Variants in FUT9 observed in about 807,000 individuals in gnomAD.
FUT9 encodes 4-galactosyl-N-acetylglucosaminide 3-alpha-L-fucosyltransferase 9.
FUT9 carries 15 observed loss-of-function variants against 29.7 expected under a neutral mutation model. The ratio of observed to expected loss-of-function variants is 0.51; its 90% confidence interval spans 0.34 to 0.78. The LOEUF (loss-of-function observed/expected upper bound fraction) is 0.78. Ranked by LOEUF, FUT9 falls within the 30% of genes least tolerant of loss-of-function variation. The pLI is 0.01. For missense variants in FUT9, 319 were observed against 425.4 expected, an observed-to-expected ratio of 0.75 and a Z score of 2.20; for synonymous variants, 169 against 153.7, an observed-to-expected ratio of 1.10 and a Z score of -0.74.
chr6:96,204,227 T>G lies in FUT9; in HGVS notation c.1072T>G (p.Trp358Gly), dbSNP rs9986564. ...KSVGNLEKWF[W>G]N is the part of the protein sequence containing the mutation. ...TGTTGGTAATTTAGAGAAATGGTTT[T>G]GGAATTAAAATTTTTCATCACTTGC... Residue 358 changes from tryptophan to glycine, a missense_variant, in exon 3 of 3, where the codon TGG (tryptophan) becomes GGG (glycine). Trp to Gly is a radical substitution (Grantham distance 184, BLOSUM62 -2). Coordinates refer to ENST00000302103, the MANE Select transcript of FUT9 (RefSeq NM_006581.4). 1 of 1,443,742 alleles carries G rather than the reference T, an allele frequency of 6.9e-7. No individual in the cohort carries two copies. Among genetic ancestry groups the G allele is most frequent in the Admixed American group, 2.6e-5 (1 of 39,010 alleles). 89.4% of individuals were successfully genotyped at this position (1,443,742 alleles called of 1,614,324 possible). A position where few individuals can be genotyped will look rare whatever the true frequency, so the allele number is the denominator to read the frequency against.
intron 2 of FUT9, among the ~76,000 whole-genome samples, chr6:96,183,809 G>T (rs1345871816): frequency 6.6e-6 from 1 of 152,014 alleles, no homozygotes; most frequent in African/African-American, 2.4e-5. Flanking sequence ...GATTATGGTG[G>T]ATTATCTTTT....
chr6:96,190,337 A>G (rs926503674), intron 2 of FUT9, among the ~76,000 whole-genome samples: 1 of 152,064 alleles, frequency 6.6e-6, no homozygotes, highest in African/African-American at 2.4e-5. Flanking sequence ...GCTGCCCTTA[A>G]CATTTTTTCC....
chr6:96,147,828 G>A (rs939416216), intron 2 of FUT9, among the ~76,000 whole-genome samples: 7 of 150,368 alleles, frequency 4.7e-5, no homozygotes, highest in African/African-American at 1.7e-4. Flanking sequence ...ATCTGCAGGA[G>A]TTCTTTGAAT....
chr6:96,035,510 TTTC>T (rs1290470272), intron 1 of FUT9, among the ~76,000 whole-genome samples: 1 of 150,328 alleles, frequency 6.7e-6, no homozygotes, highest in Non-Finnish European at 1.5e-5. Context: ...ACACATTTAA[TTTC>T]TTCCATTTTT....
At chr6:96,153,652 C>A (rs568520414) in intron 2 of FUT9, among the ~76,000 whole-genome samples, 1 of 151,994 alleles carries the variant, frequency 6.6e-6, no homozygotes, top group East Asian at 1.9e-4. Context: ...TTCAGTCAGG[C>A]GAGACAAAAA....
At chr6:96,133,257 G>GA (rs982658894) in intron 2 of FUT9, among the ~76,000 whole-genome samples, 15 of 151,884 alleles carry the variant, frequency 9.9e-5, no homozygotes, top group East Asian at 9.7e-4. Flanking sequence ...GCCAAAAAAG[G>GA]AAAAAAATAG....
chr6:96,058,283 G>A (rs1338718803), intron 1 of FUT9, among the ~76,000 whole-genome samples: 4 of 151,934 alleles, frequency 2.6e-5, no homozygotes, highest in Non-Finnish European at 5.9e-5. Context: ...ATTCCTCACT[G>A]AGCAAAAGCT....
intron 1 of FUT9, among the ~76,000 whole-genome samples, chr6:96,071,678 G>A (rs948041571): frequency 6.6e-6 from 1 of 152,124 alleles, no homozygotes; most frequent in African/African-American, 2.4e-5. Flanking sequence ...CAAGACTCAC[G>A]GCATTTTTAA....
At position 96,035,685 on chromosome 6, in the gene FUT9, T is replaced by TATTTATTATACTAATAAATATA. The variant is rs1232079198; in HGVS notation, c.-98+19497_-98+19518dup. Among the ~76,000 whole-genome samples, 243 of 139,248 alleles carry TATTTATTATACTAATAAATATA rather than the reference T, an allele frequency of 1.7e-3. 1 individual carries two copies. The highest frequency in any genetic ancestry group is 6.0e-3 in the African/African-American group (230 of 38,128). 91.4% of individuals were successfully genotyped at this position (139,248 alleles called of 152,430 possible). On this transcript the variant is annotated intron_variant, in intron 1 of 2. Coordinates refer to ENST00000302103, the MANE Select transcript of FUT9 (RefSeq NM_006581.4). ...AATATTATATTAAAATATAATATTA[T>TATTTATTATACTAATAAATATA]ATTTATTATACTAATAAATATAATT...
chr6:96,151,955 G>A (rs1211471564), intron 2 of FUT9, among the ~76,000 whole-genome samples: 2 of 151,888 alleles, frequency 1.3e-5, no homozygotes, highest in African/African-American at 2.4e-5. Flanking sequence ...TTAGAGAGAT[G>A]AAGTAGAGAA....
chr6:96,065,154 G>A (rs920753012), intron 1 of FUT9, among the ~76,000 whole-genome samples: 1 of 152,092 alleles, frequency 6.6e-6, no homozygotes, highest in Non-Finnish European at 1.5e-5. Flanking sequence ...TCTTCTTCCT[G>A]TCTAGGTAGA....
At chr6:96,093,698 C>T (rs1771450780) in intron 1 of FUT9, among the ~76,000 whole-genome samples, 1 of 152,024 alleles carries the variant, frequency 6.6e-6, no homozygotes, top group African/African-American at 2.4e-5. Flanking sequence ...ATAAAAATGG[C>T]CTCAAAGTTA....
intron 1 of FUT9, among the ~76,000 whole-genome samples, chr6:96,034,733 C>G (rs1473346546): frequency 6.6e-6 from 1 of 151,664 alleles, no homozygotes; most frequent in Non-Finnish European, 1.5e-5. Context: ...TTATGCCTCT[C>G]CAGACCCCAA....
At position 96,208,845 on chromosome 6, in the gene FUT9, T is replaced by C. The variant is rs955652643; in HGVS notation, c.*4610T>C. 4 of 166,266 alleles carry C rather than the reference T, an allele frequency of 2.4e-5. No individual in the cohort carries two copies. In the Admixed American group the frequency reaches 2.6e-4, roughly 11 times the overall value. The allele number at this position is 166,266 out of a possible 1,614,324, so 10.3% of individuals were successfully genotyped here. A position where few individuals can be genotyped will look rare whatever the true frequency, so the allele number is the denominator to read the frequency against. ...TATTACCAAACCACATGGAGAGAAA[T>C]ATAGTCTCTCTCCTAACTTCATTCC... On this transcript the variant is annotated 3_prime_UTR_variant, in exon 3 of 3. Coordinates refer to ENST00000302103, the MANE Select transcript of FUT9 (RefSeq NM_006581.4).
At chr6:96,144,140 G>C (rs1772520476) in intron 2 of FUT9, among the ~76,000 whole-genome samples, 1 of 152,192 alleles carries the variant, frequency 6.6e-6, no homozygotes, top group South Asian at 2.1e-4. Context: ...CATATACGTA[G>C]AGTAATGCAA....
chr6:96,053,208 T>C (rs1327236197), intron 1 of FUT9, among the ~76,000 whole-genome samples: 1 of 152,236 alleles, frequency 6.6e-6, no homozygotes, highest in East Asian at 1.9e-4. Flanking sequence ...TTTAGGATTT[T>C]ACATGTCTAA....
intron 1 of FUT9, among the ~76,000 whole-genome samples, chr6:96,095,197 G>A (rs1375699566): frequency 6.6e-6 from 1 of 152,088 alleles, no homozygotes; most frequent in South Asian, 2.1e-4. Context: ...ATAAAATAAT[G>A]TGAATGATCC....
chr6:96,145,919 G>C (rs1411931063), intron 2 of FUT9, among the ~76,000 whole-genome samples: 2 of 144,290 alleles, frequency 1.4e-5, no homozygotes, highest in Admixed American at 1.5e-4. Flanking sequence ...AGGCTGGCAT[G>C]ACCACTGCTC....
At chr6:96,043,185 G>T (rs1770496577) in intron 1 of FUT9, among the ~76,000 whole-genome samples, 1 of 152,058 alleles carries the variant, frequency 6.6e-6, no homozygotes, top group African/African-American at 2.4e-5. Context: ...CCGAGTAGCT[G>T]GGACTACAGG....
Sources: gnomAD v4.1 joint callset for allele counts (sites outside exome capture counted in the v4.1 genomes callset) on GRCh38, gnomAD v4.1.1 for gene constraint, MANE v1.5 for transcripts, NCBI Gene and HGNC (gene_info 2026-07-23, HGNC 2026-07-21) for gene names.